SLC35F3: variants seen among roughly 807,000 people sequenced by gnomAD.
The protein encoded by SLC35F3 is solute carrier family 35 member F3, also known as putative thiamine transporter SLC35F3.
In SLC35F3, 25 loss-of-function variants were observed where a neutral mutation model predicts 49.9. That is an observed-to-expected ratio of 0.50 (90% confidence interval 0.37 to 0.70). The LOEUF (loss-of-function observed/expected upper bound fraction) is 0.70. Among genes scored for constraint, SLC35F3 ranks in the 30% least tolerant of loss-of-function variants. SLC35F3 has a pLI of 0.00. For missense variants in SLC35F3, 525 were observed against 639.8 expected, an observed-to-expected ratio of 0.82 and a Z score of 1.94; for synonymous variants, 275 against 265.4, an observed-to-expected ratio of 1.04 and a Z score of -0.35.
chr1:233,995,757 C>CA, intron 2 of SLC35F3, among the ~76,000 whole-genome samples: 1 of 152,298 alleles, frequency 6.6e-6, no homozygotes, highest in Admixed American at 6.5e-5. Flanking sequence ...ACAAGTTCAG[C>CA]AGCCTTCAAA....
intron 2 of SLC35F3, among the ~76,000 whole-genome samples, chr1:233,943,945 G>GA (rs1218637064): frequency 2.0e-5 from 3 of 152,176 alleles, no homozygotes; most frequent in East Asian, 3.9e-4. Context: ...GACTTTTGGG[G>GA]AAAAAATGGA....
intron 3 of SLC35F3, among the ~76,000 whole-genome samples, chr1:234,250,380 C>T (rs1157745046): frequency 6.6e-6 from 1 of 152,196 alleles, no homozygotes; most frequent in Non-Finnish European, 1.5e-5. Flanking sequence ...TTGGGCCGGG[C>T]GCGGTGGCTC....
chr1:234,168,972 G>A (rs1243119626), intron 2 of SLC35F3, among the ~76,000 whole-genome samples: 2 of 152,200 alleles, frequency 1.3e-5, no homozygotes, highest in East Asian at 3.9e-4. Flanking sequence ...CTGTTGTTTG[G>A]AAGCTAGAGT....
At chr1:234,242,328 A>G (rs1667566170) in intron 3 of SLC35F3, among the ~76,000 whole-genome samples, 1 of 152,172 alleles carries the variant, frequency 6.6e-6, no homozygotes, top group Admixed American at 6.5e-5. Flanking sequence ...GTCCTGAAAG[A>G]GAAGGGGGCT....
intron 2 of SLC35F3, among the ~76,000 whole-genome samples, chr1:234,219,029 C>T (rs1021480642): frequency 3.2e-5 from 4 of 125,088 alleles, no homozygotes; most frequent in South Asian, 2.6e-4. Context: ...AGCCTGGTGA[C>T]CTGGTGACAT....
intron 2 of SLC35F3, among the ~76,000 whole-genome samples, chr1:234,039,475 A>G (rs926931311): frequency 2.6e-5 from 4 of 152,204 alleles, no homozygotes. Context: ...GGGAGGCTTC[A>G]CTGAGCAACA....
intron 2 of SLC35F3, among the ~76,000 whole-genome samples, chr1:234,210,163 G>A (rs928765120): frequency 3.3e-5 from 5 of 152,138 alleles, no homozygotes; most frequent in African/African-American, 9.7e-5. Flanking sequence ...TGCCATCCAC[G>A]TAAGACATGA....
At chr1:234,277,136 C>T (rs1019701733) in intron 3 of SLC35F3, among the ~76,000 whole-genome samples, 1 of 152,260 alleles carries the variant, frequency 6.6e-6, no homozygotes, top group African/African-American at 2.4e-5. Context: ...CAGCCCTTGG[C>T]TCTTCACAAA....
In SLC35F3 at chr1:234,164,513, C is replaced by G. The variant is rs74864272; in HGVS notation, c.284-66904C>G. 7.2e-3 allele frequency among the ~76,000 whole-genome samples: 1,097 copies of G among 152,250 alleles called. 18 individuals carry two copies. Among genetic ancestry groups the G allele is most frequent in the African/African-American group, 0.025 (1,039 of 41,542 alleles). The stretch of plus-strand genomic sequence containing the variant: ...CAGCTGAGCAAGTACCATCCACCAC[C>G]TTGCAGTCACTCCAGGCACAGTCAT... On this transcript the variant is annotated intron_variant, in intron 2 of 7. Transcript: ENST00000366618.
intron 2 of SLC35F3, among the ~76,000 whole-genome samples, chr1:234,090,955 G>A (rs1407491126): frequency 6.6e-6 from 1 of 152,172 alleles, no homozygotes. Context: ...ACACGGGGAG[G>A]AACATATTTT....
intron 2 of SLC35F3, among the ~76,000 whole-genome samples, chr1:233,994,077 G>A (rs933425038): frequency 2.0e-5 from 3 of 152,224 alleles, no homozygotes; most frequent in African/African-American, 7.2e-5. Flanking sequence ...CAAAGGCCAA[G>A]TTCCTGACAG....
At chr1:234,163,425 C>T (rs79852550) in intron 2 of SLC35F3, among the ~76,000 whole-genome samples, 1 of 152,192 alleles carries the variant, frequency 6.6e-6, no homozygotes, top group South Asian at 2.1e-4. Flanking sequence ...CAAAGACAGA[C>T]GTCCTGTAGA....
At chr1:233,983,184 C>T (rs11580643) in intron 2 of SLC35F3, among the ~76,000 whole-genome samples, 10,997 of 151,336 alleles carry the variant, frequency 0.073, 604 homozygotes, top group African/African-American at 0.15. Flanking sequence ...GCCGCCCTCC[C>T]TCTCTATCTC....
chr1:234,299,313 G>C (rs1318370320), intron 3 of SLC35F3, among the ~76,000 whole-genome samples: 1 of 152,166 alleles, frequency 6.6e-6, no homozygotes, highest in Admixed American at 6.5e-5. Context: ...ACTGGGAGAA[G>C]CCCTTGTAAA....
chr1:234,231,314 G>A lies in SLC35F3; in HGVS notation c.284-103G>A. The A allele has an allele frequency of 3.0e-6, 3 of 997,608 alleles. No individual in the cohort carries two copies. The highest frequency in any genetic ancestry group is 1.7e-5 in the South Asian group (1 of 57,938). The allele number at this position is 997,608 out of a possible 1,614,324, so 61.8% of individuals were successfully genotyped here. On this transcript the variant is annotated intron_variant, in intron 2 of 7. Transcript: ENST00000366618. This position sits in a 1 kb window ranked among gnomAD's most constrained non-coding sequence, Gnocchi z 5.4. Reference sequence around the variant, plus strand: ...GCCCCTGCACCCGCTATCTCCCCGGGCCCCCAGGTAGCTGGTGGTGACAAT... The same window carrying A: ...GCCCCTGCACCCGCTATCTCCCCGGACCCCCAGGTAGCTGGTGGTGACAAT...
intron 2 of SLC35F3, among the ~76,000 whole-genome samples, chr1:233,912,054 T>G (rs1259040430): frequency 6.6e-6 from 1 of 152,248 alleles, no homozygotes; most frequent in Non-Finnish European, 1.5e-5. Context: ...AGCATTTTAC[T>G]GTAAGCTGTT....
At chr1:234,316,521 A>G in intron 4 of SLC35F3, 81 bp from the exon 5 acceptor site, 1 of 1,521,856 alleles carries the variant, frequency 6.6e-7, no homozygotes, top group Non-Finnish European at 8.9e-7. Flanking sequence ...CCCCACGCAC[A>G]TTTCCAGCTC....
At position 234,231,863 on chromosome 1, in the gene SLC35F3, T is replaced by C. The variant is rs1285162030; in HGVS notation, c.608+122T>C. ...GCCGGTGGGAGCCCGTGGAGAGATGTTGCAGTGAATGCACCTGCTCTCAGT... is the reference window on the plus strand; with the variant it reads ...GCCGGTGGGAGCCCGTGGAGAGATGCTGCAGTGAATGCACCTGCTCTCAGT... On this transcript the variant is annotated intron_variant, in intron 3 of 7. Transcript: ENST00000366618. The surrounding 1 kb of genome is among the most constrained non-coding windows in gnomAD (Gnocchi z 5.4). 7.6e-6 allele frequency: 7 copies of C among 921,594 alleles called. No individual in the cohort carries two copies. In the Admixed American group the frequency reaches 1.2e-4, roughly 16 times the overall value. 57.1% of individuals were successfully genotyped at this position (921,594 alleles called of 1,614,324 possible). A position where few individuals can be genotyped will look rare whatever the true frequency, so the allele number is the denominator to read the frequency against.
chr1:234,283,583 T>A (rs1668363617), intron 3 of SLC35F3, among the ~76,000 whole-genome samples: 1 of 152,226 alleles, frequency 6.6e-6, no homozygotes. Context: ...ATGGACTGCA[T>A]AATGTTGGCT....
Sources: gnomAD v4.1 joint callset for allele counts (sites outside exome capture counted in the v4.1 genomes callset) on GRCh38, gnomAD v4.1.1 for gene constraint, Gnocchi (gnomAD v3.1) non-coding constraint, MANE v1.5 for transcripts, NCBI Gene and HGNC (gene_info 2026-07-23, HGNC 2026-07-21) for gene names.